The following SGMS2 variants were observed in gnomAD, a reference collection of about 807,000 sequenced individuals.
The protein encoded by SGMS2 is phosphatidylcholine:ceramide cholinephosphotransferase 2.
A neutral mutation model predicts 43.8 loss-of-function variants in SGMS2; 21 were observed. The ratio of observed to expected loss-of-function variants is 0.48; its 90% CI spans 0.34 to 0.69. The LOEUF (loss-of-function observed/expected upper bound fraction) is 0.69. Among genes scored for constraint, SGMS2 ranks in the 30% least tolerant of loss-of-function variants. The pLI, the probability that SGMS2 is intolerant of heterozygous loss-of-function variation, is 0.01. For missense variants in SGMS2, 384 were observed against 443.2 expected (o/e 0.87, Z 1.20); for synonymous variants, 167 against 160.6 (o/e 1.04, Z -0.30).
chr4:107,844,174 G>A (rs1231341750), intron 1 of SGMS2, among the ~76,000 whole-genome samples: 1 of 151,782 alleles, frequency 6.6e-6, no homozygotes, highest in East Asian at 1.9e-4. Context: ...TACAAAAAAA[G>A]TTAGCCGGGC....
chr4:107,846,547 A>C (rs2126007287), intron 1 of SGMS2, among the ~76,000 whole-genome samples: 2 of 150,546 alleles, frequency 1.3e-5, no homozygotes, highest in East Asian at 3.9e-4. Context: ...AGTCTTTGCT[A>C]TTGTGAATAG....
chr4:107,835,116 GTCT>G (rs986365842), intron 1 of SGMS2, among the ~76,000 whole-genome samples: 10 of 151,972 alleles, frequency 6.6e-5, no homozygotes, highest in African/African-American at 2.2e-4. Flanking sequence ...TCAGTTAAAG[GTCT>G]TCTCTTTGTA....
chr4:107,908,574 G>C lies in SGMS2; in HGVS notation c.737G>C (p.Arg246Pro), dbSNP rs199981148. 6.2e-7 allele frequency: 1 copy of C among 1,612,406 alleles called. No individual in the cohort carries two copies. Among genetic ancestry groups the C allele is most frequent in the African/African-American group, 1.3e-5 (1 of 74,782 alleles). ...TYLFIKEYSP[R>P]HFWWYHLICW... Reference sequence around the variant, plus strand: ...TTTTTCTACTGTCCAGATTCGCCTCGTCACTTCTGGTGGTATCATTTAATC... The same window carrying C: ...TTTTTCTACTGTCCAGATTCGCCTCCTCACTTCTGGTGGTATCATTTAATC... Residue 246 changes from arginine (R) to proline (P), a missense_variant, in exon 6 of 7, where the codon CGT becomes CCT. Physicochemically the swap from Arg to Pro is moderately radical, Grantham distance 103. Coordinates refer to ENST00000690982, the MANE Select transcript of SGMS2 (RefSeq NM_001375905.1).
intron 2 of SGMS2, among the ~76,000 whole-genome samples, chr4:107,882,475 T>G (rs1028325376): frequency 6.6e-6 from 1 of 152,222 alleles, no homozygotes; most frequent in Non-Finnish European, 1.5e-5. Flanking sequence ...TTCCTGTTGT[T>G]TGAGCTCCTT....
chr4:107,858,244 G>T (rs189730798), intron 1 of SGMS2, among the ~76,000 whole-genome samples: 1 of 152,278 alleles, frequency 6.6e-6, no homozygotes, highest in Non-Finnish European at 1.5e-5. Context: ...GGGCTGGCAG[G>T]TGTTAAATAT....
At chr4:107,883,383 C>G (rs535551519) in intron 2 of SGMS2, among the ~76,000 whole-genome samples, 7 of 152,316 alleles carry the variant, frequency 4.6e-5, no homozygotes, top group South Asian at 4.1e-4. Context: ...GGTGCAATCT[C>G]AGCTCACTGC....
intron 1 of SGMS2, among the ~76,000 whole-genome samples, chr4:107,834,550 C>T (rs1011623528): frequency 1.3e-5 from 2 of 152,136 alleles, no homozygotes; most frequent in African/African-American, 2.4e-5. Context: ...AATTTTTACT[C>T]CAGGTTCCTT....
At chr4:107,840,841 A>G (rs1218629806) in intron 1 of SGMS2, among the ~76,000 whole-genome samples, 1 of 152,162 alleles carries the variant, frequency 6.6e-6, no homozygotes, top group Non-Finnish European at 1.5e-5. Flanking sequence ...GCCATCTTTC[A>G]GGGTTAATCT....
At chr4:107,831,768 T>A (rs1725902939) in intron 1 of SGMS2, among the ~76,000 whole-genome samples, 1 of 152,196 alleles carries the variant, frequency 6.6e-6, no homozygotes, top group African/African-American at 2.4e-5. Flanking sequence ...GGGGTTAAAA[T>A]AAAATGATTG....
intron 5 of SGMS2, among the ~76,000 whole-genome samples, chr4:107,905,277 C>T (rs1038806990): frequency 3.9e-5 from 6 of 152,078 alleles, no homozygotes; most frequent in Non-Finnish European, 5.9e-5. Context: ...AAAGGGGTTT[C>T]CCCTTATAAA....
intron 3 of SGMS2, 147 bp from the exon 4 acceptor site, chr4:107,899,428 G>A (rs1450958946): frequency 2.7e-5 from 15 of 554,256 alleles, no homozygotes; most frequent in Non-Finnish European, 4.5e-5. Flanking sequence ...TCAAAAGTAA[G>A]CCTTTAAACT....
chr4:107,876,321 G>A (rs1578584570), intron 2 of SGMS2, among the ~76,000 whole-genome samples: 1 of 152,086 alleles, frequency 6.6e-6, no homozygotes, highest in Non-Finnish European at 1.5e-5. Flanking sequence ...TGTGCCATCC[G>A]CTATAACCAC....
rs1732315163 is a variant in SGMS2 at position 107,914,251 on chromosome 4, CT to C, written c.*3700del. 6.6e-6 allele frequency: 1 copy of C among 151,982 alleles called. No individual in the cohort carries two copies. Among genetic ancestry groups the C allele is most frequent in the Non-Finnish European group, 1.5e-5 (1 of 67,944 alleles). The allele number at this position is 151,982 out of a possible 1,614,324, so 9.4% of individuals were successfully genotyped here. A position where few individuals can be genotyped will look rare whatever the true frequency, so the allele number is the denominator to read the frequency against. On this transcript the variant is annotated 3_prime_UTR_variant, in exon 7 of 7. Transcript: ENST00000690982. ...GATAAGTTTTTATACAGATACACAC[CT>C]TATAAGTTCTGATTTATTTTCTTAC... is the stretch of plus-strand genomic sequence containing the variant.
At position 107,895,650 on chromosome 4, in the gene SGMS2, G is replaced by C; in HGVS notation, c.97G>C (p.Glu33Gln). The change falls in exon 3 of 7, where the codon GAA becomes CAA. Residue 33 changes from glutamate to glutamine, a missense_variant. Coordinates refer to ENST00000690982, the MANE Select transcript of SGMS2 (RefSeq NM_001375905.1). ...TGCAAGACCCGCTGAACCTGTTGAA[G>C]AAGAAAACAAAAATGGCAATGGTAA... ...TYARPAEPVEEENKNGNGKPK... is the reference protein window; with the variant it reads ...TYARPAEPVEQENKNGNGKPK... The C allele has an allele frequency of 6.2e-7, 1 of 1,613,944 alleles. No individual in the cohort carries two copies. Among genetic ancestry groups the C allele is most frequent in the Non-Finnish European group, 8.5e-7 (1 of 1,179,942 alleles).
At chr4:107,903,675 T>G (rs2126144182) in intron 5 of SGMS2, among the ~76,000 whole-genome samples, 1 of 152,288 alleles carries the variant, frequency 6.6e-6, no homozygotes, top group East Asian at 1.9e-4. Context: ...CCCTTCTTGG[T>G]TAGTACTTCT....
At chr4:107,892,498 A>AG (rs1462637554) in intron 2 of SGMS2, among the ~76,000 whole-genome samples, 1 of 152,178 alleles carries the variant, frequency 6.6e-6, no homozygotes, top group African/African-American at 2.4e-5. Context: ...CAGTTAATTT[A>AG]GAAAGTTTAT....
intron 1 of SGMS2, among the ~76,000 whole-genome samples, chr4:107,843,619 G>A (rs1314174993): frequency 1.3e-5 from 2 of 152,128 alleles, no homozygotes; most frequent in African/African-American, 4.8e-5. Context: ...ACCTGAAAAG[G>A]CTCAAAGATC....
chr4:107,872,924 C>G (rs545870391), intron 2 of SGMS2, among the ~76,000 whole-genome samples: 1 of 152,158 alleles, frequency 6.6e-6, no homozygotes, highest in Non-Finnish European at 1.5e-5. Flanking sequence ...TCCAGAATCA[C>G]TTATCCACAA....
chr4:107,825,620 C>CTTTTTTT (rs201101875), intron 1 of SGMS2, among the ~76,000 whole-genome samples: 7 of 116,290 alleles, frequency 6.0e-5, no homozygotes, highest in African/African-American at 2.6e-4. Context: ...TTTTCTTTCT[C>CTTTTTTT]TTTTTTTTTT....
Sources: allele counts gnomAD v4.1 joint callset (sites outside exome capture counted in the v4.1 genomes callset), GRCh38; gene constraint gnomAD v4.1.1; transcripts MANE v1.5; gene names NCBI Gene and HGNC (gene_info 2026-07-23, HGNC 2026-07-21).